TAF4B: variants seen among roughly 807,000 people sequenced by gnomAD.
The protein encoded by TAF4B is TATA-box binding protein associated factor 4b, also known as transcription initiation factor TFIID subunit 4B.
A neutral mutation model predicts 86.4 loss-of-function variants in TAF4B; 38 were observed. The observed-to-expected ratio is 0.44, with a 90% confidence interval of 0.34 to 0.58. The LOEUF (loss-of-function observed/expected upper bound fraction) is 0.58. Ranked by LOEUF, TAF4B falls within the 20% of genes least tolerant of loss-of-function variation. The probability of loss-of-function intolerance (pLI) is 0.02; values close to 1 mark genes in which losing one functional copy is unlikely to be tolerated. For synonymous variants in TAF4B, 388 were observed against 391.2 expected (o/e 0.99, Z 0.10); for missense variants, 988 against 1,027.6 (o/e 0.96, Z 0.53).
At chr18:26,284,179 G>T (rs1450544177) in intron 6 of TAF4B, among the ~76,000 whole-genome samples, 2 of 152,102 alleles carry the variant, frequency 1.3e-5, no homozygotes, top group African/African-American at 2.4e-5. Flanking sequence ...TAAACTTCAT[G>T]AGCCAGCCTC....
chr18:26,259,440 C>T (rs2056132918), intron 1 of TAF4B, among the ~76,000 whole-genome samples: 2 of 151,938 alleles, frequency 1.3e-5, no homozygotes, highest in South Asian at 4.2e-4. Context: ...CCCCTCCTCC[C>T]ACCCCGCGAC....
intron 1 of TAF4B, among the ~76,000 whole-genome samples, chr18:26,263,888 C>G (rs1440196477): frequency 6.6e-6 from 1 of 152,064 alleles, no homozygotes; most frequent in Non-Finnish European, 1.5e-5. Context: ...AGATAATTTT[C>G]TACATTGTCT....
chr18:26,294,192 C>T (rs1473407605), intron 9 of TAF4B, among the ~76,000 whole-genome samples: 1 of 151,882 alleles, frequency 6.6e-6, no homozygotes, highest in Non-Finnish European at 1.5e-5. Context: ...GGGAAACTAC[C>T]AAATTGTTTA....
intron 14 of TAF4B, among the ~76,000 whole-genome samples, chr18:26,364,603 A>G (rs564201519): frequency 1.3e-5 from 2 of 152,152 alleles, no homozygotes; most frequent in African/African-American, 4.8e-5. Flanking sequence ...TATACTTTCA[A>G]ATATTTTGCA....
At chr18:26,358,534 A>T (rs186257420) in intron 14 of TAF4B, among the ~76,000 whole-genome samples, 1 of 151,972 alleles carries the variant, frequency 6.6e-6, no homozygotes, top group South Asian at 2.1e-4. Flanking sequence ...CACGGTGAAA[A>T]CCTGTCTCTA....
Position 26,286,103 on chromosome 18 carries a change from A to G in TAF4B, c.1194A>G (p.Pro398=), listed in dbSNP as rs1166722572. 6.2e-7 allele frequency: 1 copy of G among 1,614,120 alleles called. No homozygotes were observed. The highest frequency in any genetic ancestry group is 8.5e-7 in the Non-Finnish European group (1 of 1,180,046). The change falls in exon 7 of 15, where the codon CCA becomes CCG. Residue 398 remains proline (P), a synonymous_variant. Coordinates refer to ENST00000269142, the MANE Select transcript of TAF4B (RefSeq NM_005640.3). ...PRTVSVQTLN[P]LAGPVGAKAG... Reference sequence around the variant, plus strand: ...CTGTGTCAGTGCAAACTTTGAACCCACTTGCTGGTCCAGTGGGAGCAAAAG... The same window carrying G: ...CTGTGTCAGTGCAAACTTTGAACCCGCTTGCTGGTCCAGTGGGAGCAAAAG...
At chr18:26,290,030 G>A (rs915253805) in intron 7 of TAF4B, among the ~76,000 whole-genome samples, 2 of 152,178 alleles carry the variant, frequency 1.3e-5, no homozygotes, top group African/African-American at 4.8e-5. Flanking sequence ...TAACAGAAAG[G>A]CTTTTTAAAA....
intron 1 of TAF4B, among the ~76,000 whole-genome samples, chr18:26,254,928 A>C (rs2144508672): frequency 6.6e-6 from 1 of 152,330 alleles, no homozygotes; most frequent in South Asian, 2.1e-4. Flanking sequence ...TCAGTAGTAC[A>C]GGTTTGAATC....
chr18:26,283,536 G>A (rs2056475249), intron 6 of TAF4B, among the ~76,000 whole-genome samples: 1 of 152,010 alleles, frequency 6.6e-6, no homozygotes, highest in South Asian at 2.1e-4. Flanking sequence ...CATTGATAGA[G>A]CACAGGCAGA....
At chr18:26,295,496 T>G (rs2056651915) in intron 9 of TAF4B, among the ~76,000 whole-genome samples, 1 of 152,190 alleles carries the variant, frequency 6.6e-6, no homozygotes, top group African/African-American at 2.4e-5. Flanking sequence ...CAGTTCACAG[T>G]AGGGTTTGTG....
At chr18:26,364,866 G>A (rs2057360065) in intron 14 of TAF4B, among the ~76,000 whole-genome samples, 1 of 152,048 alleles carries the variant, frequency 6.6e-6, no homozygotes, top group South Asian at 2.1e-4. Context: ...TACAGCACCA[G>A]ATTAGCTACA....
intron 9 of TAF4B, 34 bp from the exon 10 acceptor site, chr18:26,315,195 C>T (rs758799387): frequency 9.1e-7 from 1 of 1,093,720 alleles, no homozygotes; most frequent in Non-Finnish European, 1.2e-6. Flanking sequence ...ACACACACAA[C>T]CTAAAATGTA....
At chr18:26,304,769 A>C in intron 9 of TAF4B, 1 of 985,390 alleles carries the variant, frequency 1.0e-6, no homozygotes, top group South Asian at 4.7e-5. Context: ...TTTTTTTAAC[A>C]GGTCCTGTGA....
intron 9 of TAF4B, among the ~76,000 whole-genome samples, chr18:26,309,229 G>GA (rs1250158480): frequency 2.2e-5 from 3 of 136,822 alleles, no homozygotes; most frequent in East Asian, 4.9e-4. Flanking sequence ...TCACTTTAGG[G>GA]AAAAAACCTG....
chr18:26,325,642 G>A (rs1391339553), intron 11 of TAF4B, among the ~76,000 whole-genome samples: 14 of 152,080 alleles, frequency 9.2e-5, no homozygotes, highest in Non-Finnish European at 1.8e-4. Context: ...TTTAGTATTT[G>A]CTGTCCTTTT....
rs115251966 is a variant in TAF4B, at chr18:26,345,456, G to A, written c.2316+10225G>A. Among the ~76,000 whole-genome samples the A allele has an allele frequency of 9.6e-3, 1,463 of 152,278 alleles. 12 individuals are homozygous for A. Among genetic ancestry groups the A allele is most frequent in the African/African-American group, 0.033 (1,358 of 41,534 alleles). ...CCTGTAGCCCAAATCCATGCACCAA[G>A]TTGGTGGACCCACCATTTGTATGTA... On this transcript the variant is annotated intron_variant, in intron 13 of 14. Transcript: ENST00000269142.
rs996601209 is a variant in TAF4B at position 26,251,785 on chromosome 18, G to A, written c.344-13385G>A. 4.6e-5 allele frequency among the ~76,000 whole-genome samples: 7 copies of A among 152,192 alleles called. No individual in the cohort carries two copies. In the East Asian group the frequency reaches 9.6e-4, roughly 21 times the overall value. The stretch of plus-strand genomic sequence containing the variant: ...TTTAAGTGCTTTCTATTATATTATT[G>A]CTTCTCATTGGCATTGGGCCTTTGA... On this transcript the variant is annotated intron_variant, in intron 1 of 14. Coordinates refer to ENST00000269142, the MANE Select transcript of TAF4B (RefSeq NM_005640.3).
chr18:26,386,069 A>G (rs1322199372), intron 14 of TAF4B, among the ~76,000 whole-genome samples: 1 of 152,220 alleles, frequency 6.6e-6, no homozygotes, highest in Non-Finnish European at 1.5e-5. Context: ...AGAGAATGCT[A>G]TCACCTTCAT....
chr18:26,253,086 T>C (rs937972573), intron 1 of TAF4B, among the ~76,000 whole-genome samples: 1 of 152,202 alleles, frequency 6.6e-6, no homozygotes, highest in African/African-American at 2.4e-5. Context: ...GAATTCTGAA[T>C]ATAATGTTGA....
Sources: allele counts gnomAD v4.1 joint callset (sites outside exome capture counted in the v4.1 genomes callset), GRCh38; gene constraint gnomAD v4.1.1; transcripts MANE v1.5; gene names NCBI Gene and HGNC (gene_info 2026-07-23, HGNC 2026-07-21).